Variants in PSTPIP2 observed in about 807,000 individuals in gnomAD.
The protein encoded by PSTPIP2 is proline-serine-threonine phosphatase interacting protein 2, also known as proline-serine-threonine phosphatase-interacting protein 2.
Under a neutral mutation model 63.3 loss-of-function variants are expected in PSTPIP2, and 33 were observed. The ratio of observed to expected loss-of-function variants is 0.52; its 90% confidence interval spans 0.40 to 0.70. The LOEUF (loss-of-function observed/expected upper bound fraction) is 0.70, where lower values mean the gene tolerates loss of function less well. Among genes scored for constraint, PSTPIP2 ranks in the 30% least tolerant of loss-of-function variants. PSTPIP2 has a pLI of 0.00. For synonymous variants in PSTPIP2, 125 were observed against 132.7 expected, an observed-to-expected ratio of 0.94 and a Z score of 0.40; for missense variants, 312 against 400.7, an observed-to-expected ratio of 0.78 and a Z score of 1.89.
intron 14 of PSTPIP2, among the ~76,000 whole-genome samples, chr18:45,987,900 T>A (rs1356075483): frequency 6.6e-6 from 1 of 152,206 alleles, no homozygotes; most frequent in Non-Finnish European, 1.5e-5. Flanking sequence ...CGTCTAAGAA[T>A]CCTCATGGTT....
At chr18:46,001,508 T>C (rs1337094034) in intron 6 of PSTPIP2, among the ~76,000 whole-genome samples, 1 of 152,202 alleles carries the variant, frequency 6.6e-6, no homozygotes, top group Non-Finnish European at 1.5e-5. Context: ...TAGTCTCTTG[T>C]CAGATGAATA....
intron 1 of PSTPIP2, among the ~76,000 whole-genome samples, chr18:46,052,568 A>T (rs199761964): frequency 1.7e-4 from 7 of 40,698 alleles, no homozygotes; most frequent in Non-Finnish European, 2.3e-4. Context: ...ATGTTAATTT[A>T]AAAAAAAAAA....
intron 14 of PSTPIP2, among the ~76,000 whole-genome samples, chr18:45,988,192 G>C (rs1220208207): frequency 6.6e-6 from 1 of 152,138 alleles, no homozygotes; most frequent in Non-Finnish European, 1.5e-5. Flanking sequence ...AGCACTTTGG[G>C]AGGCTGAGGT....
At chr18:45,995,554 G>A (rs572475109) in intron 9 of PSTPIP2, among the ~76,000 whole-genome samples, 5 of 152,302 alleles carry the variant, frequency 3.3e-5, no homozygotes, top group African/African-American at 1.2e-4. Flanking sequence ...TGTTTTAGGA[G>A]AAGCATAATA....
chr18:45,987,268 G>A (rs2051477756), intron 14 of PSTPIP2, among the ~76,000 whole-genome samples: 1 of 152,172 alleles, frequency 6.6e-6, no homozygotes, highest in Admixed American at 6.5e-5. Context: ...TCACTTTGGT[G>A]GTATAGAACG....
chr18:46,007,892 G>A (rs892490488), intron 5 of PSTPIP2, among the ~76,000 whole-genome samples: 97 of 152,212 alleles, frequency 6.4e-4, no homozygotes, highest in African/African-American at 2.2e-3. Flanking sequence ...TGGGGCCCAA[G>A]AGGTGAGACA....
At chr18:45,999,643 G>A (rs1441106068) in intron 6 of PSTPIP2, 109 bp from the exon 7 acceptor site, 1 of 1,051,794 alleles carries the variant, frequency 9.5e-7, no homozygotes, top group African/African-American at 1.6e-5. Context: ...TCTGATTAGT[G>A]CTCTGATTGT....
chr18:46,062,059 A>C (rs567020253), intron 1 of PSTPIP2, among the ~76,000 whole-genome samples: 37 of 152,334 alleles, frequency 2.4e-4, no homozygotes, highest in African/African-American at 8.7e-4. Flanking sequence ...TTTCTCTGGC[A>C]GTTCAGCTTG....
chr18:45,994,891 G>A (rs1336461437), intron 9 of PSTPIP2, among the ~76,000 whole-genome samples: 3 of 152,158 alleles, frequency 2.0e-5, no homozygotes, highest in Admixed American at 2.0e-4. Flanking sequence ...TCAGAAAGCA[G>A]TATAATAAAT....
intron 1 of PSTPIP2, among the ~76,000 whole-genome samples, chr18:46,046,671 G>A (rs184162940): frequency 9.1e-4 from 138 of 152,360 alleles, no homozygotes; most frequent in Non-Finnish European, 1.7e-3. Flanking sequence ...GCAGGCCTGT[G>A]AAAATAAAGA....
chr18:46,018,753 A>G (rs115761916), intron 3 of PSTPIP2, among the ~76,000 whole-genome samples: 1,606 of 152,282 alleles, frequency 0.011, 41 homozygotes, highest in African/African-American at 0.037. Flanking sequence ...TTAAGAGATG[A>G]AGAAAAGCTT....
intron 1 of PSTPIP2, 128 bp from the exon 2 acceptor site, chr18:46,040,175 G>C: frequency 1.5e-6 from 1 of 663,486 alleles, no homozygotes; most frequent in Non-Finnish European, 2.5e-6. Context: ...GATGGCGCAG[G>C]GACCCACTTA....
chr18:46,025,765 G>A (rs1437055809), intron 2 of PSTPIP2, among the ~76,000 whole-genome samples: 7 of 151,866 alleles, frequency 4.6e-5, no homozygotes, highest in Non-Finnish European at 5.9e-5. Flanking sequence ...ATATATCCAC[G>A]GGCATCTCTG....
At chr18:45,994,225 G>C (rs982703069) in intron 9 of PSTPIP2, among the ~76,000 whole-genome samples, 15 of 152,034 alleles carry the variant, frequency 9.9e-5, no homozygotes, top group Non-Finnish European at 5.9e-5. Flanking sequence ...CAGTATTTTG[G>C]ATATAAACAA....
intron 8 of PSTPIP2, 112 bp from the exon 9 acceptor site, chr18:45,997,940 C>T (rs200983376): frequency 4.3e-5 from 37 of 867,804 alleles, no homozygotes; most frequent in East Asian, 3.5e-4. Flanking sequence ...TTGTGCTGAG[C>T]TTACAAGGCC....
intron 1 of PSTPIP2, among the ~76,000 whole-genome samples, chr18:46,068,806 G>A (rs1909288023): frequency 6.6e-6 from 1 of 152,172 alleles, no homozygotes; most frequent in South Asian, 2.1e-4. Context: ...AGAGATGACT[G>A]TATAGAGAAA....
intron 5 of PSTPIP2, chr18:46,010,961 C>A: frequency 2.0e-6 from 1 of 490,144 alleles, no homozygotes; most frequent in Non-Finnish European, 3.6e-6. Flanking sequence ...CAAGCTGGAC[C>A]TCTGAATCCT....
intron 2 of PSTPIP2, among the ~76,000 whole-genome samples, chr18:46,036,444 G>A (rs1447612198): frequency 5.9e-5 from 9 of 152,110 alleles, no homozygotes; most frequent in Non-Finnish European, 1.3e-4. Context: ...TCTGCCCTAT[G>A]TATCTAGCAA....
chr18:46,009,265 G>A (rs1038807111), intron 5 of PSTPIP2, among the ~76,000 whole-genome samples: 1 of 149,866 alleles, frequency 6.7e-6, no homozygotes, highest in African/African-American at 2.5e-5. Flanking sequence ...AAGTGGAAAT[G>A]GCTTAATTTC....
Sources: allele counts gnomAD v4.1 joint callset (sites outside exome capture counted in the v4.1 genomes callset), GRCh38; gene constraint gnomAD v4.1.1; transcripts MANE v1.5; gene names NCBI Gene and HGNC (gene_info 2026-07-23, HGNC 2026-07-21).